Variants in TBC1D31 observed in about 807,000 individuals in gnomAD.
TBC1D31 encodes the protein TBC1 domain family member 31, also known as WD repeat domain 67.
Under a neutral mutation model 132.9 loss-of-function variants are expected in TBC1D31, and 99 were observed. The ratio of observed to expected loss-of-function variants is 0.74; its 90% confidence interval spans 0.63 to 0.88. The LOEUF (loss-of-function observed/expected upper bound fraction) is 0.88. Ranked by LOEUF, TBC1D31 falls within the 40% of genes least tolerant of loss-of-function variation. The pLI is 0.00. For missense variants in TBC1D31, 1,134 were observed against 1,256.6 expected (o/e 0.90, Z 1.48); for synonymous variants, 385 against 419.4 (o/e 0.92, Z 1.00).
At chr8:123,091,075 C>T (rs956952159) in intron 4 of TBC1D31, among the ~76,000 whole-genome samples, 3 of 152,084 alleles carry the variant, frequency 2.0e-5, no homozygotes, top group Non-Finnish European at 2.9e-5. Flanking sequence ...ACTACAGCTC[C>T]GTCCTTGAAC....
rs1815227081 is a variant in TBC1D31, at chr8:123,082,131, C to T, written c.225-571C>T. Among the ~76,000 whole-genome samples the T allele has an allele frequency of 2.0e-5, 3 of 152,172 alleles. No individual in the cohort carries two copies. The South Asian group carries it at 6.2e-4, about 32-fold the overall frequency. On this transcript the variant is annotated intron_variant, in intron 2 of 21. Coordinates refer to ENST00000287380, the MANE Select transcript of TBC1D31 (RefSeq NM_145647.4). ...AGGTTTATTATTTCCTACCCCCAAA[C>T]TTATTCCTCTTTTGCCTAAGTTCAA...
At chr8:123,127,492 C>T (rs1441350785) in intron 13 of TBC1D31, among the ~76,000 whole-genome samples, 1 of 151,814 alleles carries the variant, frequency 6.6e-6, no homozygotes, top group Admixed American at 6.6e-5. Flanking sequence ...AGGCTGGTCT[C>T]GAACCCCTTA....
chr8:123,106,004 A>G (rs184749435), intron 8 of TBC1D31, among the ~76,000 whole-genome samples: 478 of 152,150 alleles, frequency 3.1e-3, no homozygotes, highest in Non-Finnish European at 5.6e-3. Flanking sequence ...CAGTTTTCCT[A>G]AGTGGTTGAT....
chr8:123,128,404 A>C lies in TBC1D31; in HGVS notation c.2008A>C (p.Thr670Pro). The C allele has an allele frequency of 6.2e-7, 1 of 1,613,754 alleles. No individual in the cohort carries two copies. Among genetic ancestry groups the C allele is most frequent in the Non-Finnish European group, 8.5e-7 (1 of 1,179,666 alleles). Residue 670 changes from threonine to proline, a missense_variant, in exon 14 of 22, where the codon ACA becomes CCA. Transcript: ENST00000287380. ...DSMLNVFVAL[T>P]KGQYPVFNQY... Reference sequence around the variant, plus strand: ...CATGCTTAATGTTTTTGTTGCACTGACAAAAGGGCAGTATCCAGTATTTAA... The same window carrying C: ...CATGCTTAATGTTTTTGTTGCACTGCCAAAAGGGCAGTATCCAGTATTTAA...
chr8:123,101,919 T>C (rs1817460632), intron 7 of TBC1D31, among the ~76,000 whole-genome samples: 1 of 152,244 alleles, frequency 6.6e-6, no homozygotes, highest in Non-Finnish European at 1.5e-5. Flanking sequence ...GCTACTTTAG[T>C]GGCTTCCTTC....
chr8:123,116,814 A>C (rs1818960657), intron 10 of TBC1D31, among the ~76,000 whole-genome samples: 1 of 152,218 alleles, frequency 6.6e-6, no homozygotes, highest in South Asian at 2.1e-4. Context: ...AATAAATAAC[A>C]ATCAATTATA....
intron 20 of TBC1D31, among the ~76,000 whole-genome samples, chr8:123,146,117 G>T (rs993624404): frequency 6.6e-6 from 1 of 152,002 alleles, no homozygotes; most frequent in East Asian, 1.9e-4. Context: ...TGATCCACCC[G>T]CCTCGGCCTC....
At chr8:123,099,664 A>G (rs1418054842) in intron 6 of TBC1D31, among the ~76,000 whole-genome samples, 1 of 152,172 alleles carries the variant, frequency 6.6e-6, no homozygotes, top group Non-Finnish European at 1.5e-5. Flanking sequence ...GGGTACAGGA[A>G]GGCAAACCCT....
At position 123,144,716 on chromosome 8, in the gene TBC1D31, G is replaced by A; in HGVS notation, c.2836-1G>A. 1.9e-6 allele frequency: 3 copies of A among 1,597,886 alleles called. No individual in the cohort carries two copies. In the East Asian group the frequency reaches 6.7e-5, roughly 36 times the overall value. On this transcript the variant is annotated splice_acceptor_variant, in intron 19 of 21. Transcript: ENST00000287380. LOFTEE classifies it high-confidence loss of function. Reference sequence around the variant, plus strand: ...CTTTTTTTCCATTTATTTGAATTTAGTGGAAGGAAGCTGAAGGAAAAGAGT... The same window carrying A: ...CTTTTTTTCCATTTATTTGAATTTAATGGAAGGAAGCTGAAGGAAAAGAGT...
In TBC1D31 at chr8:123,097,265, CT is replaced by C. The variant is rs1563690999; in HGVS notation, c.672-11del. 6.2e-7 allele frequency: 1 copy of C among 1,610,556 alleles called. No individual in the cohort carries two copies. The highest frequency in any genetic ancestry group is 1.1e-5 in the South Asian group (1 of 90,432). ...CAATTGAACCCGTTTTTCTTTCTCACTTTTTTGTTTATATAGAGATGGCCGA... is the reference window on the plus strand; with the variant it reads ...CAATTGAACCCGTTTTTCTTTCTCACTTTTTGTTTATATAGAGATGGCCGA... On this transcript the variant is annotated splice_polypyrimidine_tract_variant and intron_variant, in intron 5 of 21. Coordinates refer to ENST00000287380, the MANE Select transcript of TBC1D31 (RefSeq NM_145647.4).
chr8:123,110,446 C>G (rs1818337176), intron 10 of TBC1D31, among the ~76,000 whole-genome samples: 1 of 152,132 alleles, frequency 6.6e-6, no homozygotes, highest in Non-Finnish European at 1.5e-5. Flanking sequence ...GAAATATGAT[C>G]AAGTCACAGC....
chr8:123,141,844 C>CTTTTTTTTTTTTTTTTTTTTTTTTT (rs1160750679), intron 18 of TBC1D31, among the ~76,000 whole-genome samples: 2 of 52,040 alleles, frequency 3.8e-5, no homozygotes, highest in Non-Finnish European at 3.4e-5. Context: ...TTGAAGAGCT[C>CTTTTTTTTTTTTTTTTTTTTTTTTT]TTTTTTTTTT....
chr8:123,084,808 G>C (rs1815551836), intron 4 of TBC1D31, among the ~76,000 whole-genome samples: 1 of 148,110 alleles, frequency 6.8e-6, no homozygotes, highest in Non-Finnish European at 1.5e-5. Flanking sequence ...GTTTTGTTTT[G>C]AGACAGAATC....
intron 10 of TBC1D31, among the ~76,000 whole-genome samples, chr8:123,116,327 C>T (rs1422777220): frequency 6.6e-6 from 1 of 152,020 alleles, no homozygotes; most frequent in Non-Finnish European, 1.5e-5. Context: ...ACAAAACCAT[C>T]AAAGTATTAG....
rs752723731 is a variant in TBC1D31 at position 123,126,203 on chromosome 8, G to A, written c.1704+14G>A. 6 of 1,596,788 alleles carry A rather than the reference G, an allele frequency of 3.8e-6. No individual in the cohort carries two copies. The highest frequency in any genetic ancestry group is 5.1e-6 in the Non-Finnish European group (6 of 1,174,216). On this transcript the variant is annotated intron_variant, in intron 12 of 21. Coordinates refer to ENST00000287380, the MANE Select transcript of TBC1D31 (RefSeq NM_145647.4). Reference sequence around the variant, plus strand: ...ATAACCTCCCAGGTAAGAAGCATAAGGTTTTTAGAATAACATGCCTTATTT... The same window carrying A: ...ATAACCTCCCAGGTAAGAAGCATAAAGTTTTTAGAATAACATGCCTTATTT...
intron 16 of TBC1D31, among the ~76,000 whole-genome samples, chr8:123,130,623 C>CTTT (rs774112527): frequency 7.3e-6 from 1 of 136,122 alleles, no homozygotes; most frequent in Admixed American, 7.4e-5. Context: ...CTTTTCTTTT[C>CTTT]TTTTTTTTTT....
At chr8:123,108,770 T>C (rs1818178187) in intron 8 of TBC1D31, among the ~76,000 whole-genome samples, 1 of 152,156 alleles carries the variant, frequency 6.6e-6, no homozygotes, top group Non-Finnish European at 1.5e-5. Context: ...ATTAATTGAC[T>C]CACAGTTCCA....
At chr8:123,106,189 A>T (rs1817906609) in intron 8 of TBC1D31, among the ~76,000 whole-genome samples, 1 of 152,208 alleles carries the variant, frequency 6.6e-6, no homozygotes, top group Admixed American at 6.5e-5. Context: ...GTCCAAATAT[A>T]TTCAAAGGAA....
chr8:123,086,561 C>T (rs1433468970), intron 4 of TBC1D31, among the ~76,000 whole-genome samples: 1 of 152,076 alleles, frequency 6.6e-6, no homozygotes, highest in Non-Finnish European at 1.5e-5. Context: ...GTCACTCTTC[C>T]TCCTCCAAGT....
Sources: gnomAD v4.1 joint callset for allele counts (sites outside exome capture counted in the v4.1 genomes callset) on GRCh38, gnomAD v4.1.1 for gene constraint, MANE v1.5 for transcripts, NCBI Gene and HGNC (gene_info 2026-07-23, HGNC 2026-07-21) for gene names.